COLEC12: variants seen among roughly 807,000 people sequenced by gnomAD.
COLEC12 encodes collectin subfamily member 12.
Under a neutral mutation model 71.1 loss-of-function variants are expected in COLEC12, and 33 were observed. That is an observed-to-expected ratio of 0.46 (90% confidence interval 0.35 to 0.62). COLEC12 has a LOEUF of 0.62. COLEC12 is among the 20% of genes least tolerant of loss of function. COLEC12 has a pLI of 0.00. For missense variants in COLEC12, 765 were observed against 916.1 expected (o/e 0.84, Z 2.13); for synonymous variants, 350 against 353.0 (o/e 0.99, Z 0.10).
chr18:461,600 C>T (rs1673099198), intron 2 of COLEC12, among the ~76,000 whole-genome samples: 1 of 152,188 alleles, frequency 6.6e-6, no homozygotes, highest in Admixed American at 6.5e-5. Context: ...GTTGCCCACA[C>T]TGGTCTTGAA....
chr18:427,742 C>T (rs1425619702), intron 2 of COLEC12, among the ~76,000 whole-genome samples: 1 of 152,168 alleles, frequency 6.6e-6, no homozygotes, highest in Non-Finnish European at 1.5e-5. Flanking sequence ...CTATTGACTA[C>T]ATTTATTTGG....
At chr18:401,122 A>T (rs1915676637) in intron 2 of COLEC12, among the ~76,000 whole-genome samples, 1 of 152,206 alleles carries the variant, frequency 6.6e-6, no homozygotes, top group Admixed American at 6.5e-5. Flanking sequence ...GGTGGAGTGG[A>T]AGGTAGACTT....
intron 2 of COLEC12, among the ~76,000 whole-genome samples, chr18:437,699 C>G (rs1032160549): frequency 6.6e-6 from 1 of 152,186 alleles, no homozygotes; most frequent in African/African-American, 2.4e-5. Flanking sequence ...TGATACTTCA[C>G]ATGACAATAT....
intron 2 of COLEC12, among the ~76,000 whole-genome samples, chr18:442,288 T>G (rs536463495): frequency 1.3e-5 from 2 of 152,290 alleles, no homozygotes; most frequent in East Asian, 3.9e-4. Context: ...TTGATTGTCA[T>G]GTCTATTTAG....
chr18:457,682 A>T (rs1158883502), intron 2 of COLEC12, among the ~76,000 whole-genome samples: 1 of 152,220 alleles, frequency 6.6e-6, no homozygotes, highest in Non-Finnish European at 1.5e-5. Flanking sequence ...GAAGCTCACT[A>T]GACTCTTCCA....
chr18:433,581 T>A (rs1007538188), intron 2 of COLEC12, among the ~76,000 whole-genome samples: 1 of 152,076 alleles, frequency 6.6e-6, no homozygotes, highest in South Asian at 2.1e-4. Context: ...CAAAAGCCAA[T>A]CAGCTCCAGG....
chr18:388,184 AT>A (rs1450227360), intron 2 of COLEC12, among the ~76,000 whole-genome samples: 3 of 152,182 alleles, frequency 2.0e-5, no homozygotes, highest in African/African-American at 7.2e-5. Context: ...CATCTACATA[AT>A]TGGTTCTTGA....
At chr18:436,829 G>T (rs938756279) in intron 2 of COLEC12, among the ~76,000 whole-genome samples, 1 of 152,028 alleles carries the variant, frequency 6.6e-6, no homozygotes, top group African/African-American at 2.4e-5. Context: ...CAAGGTCCAG[G>T]TTTTACATTT....
intron 6 of COLEC12, 144 bp from the exon 7 acceptor site, chr18:333,287 C>A (rs553068043): frequency 1.6e-5 from 10 of 629,348 alleles, no homozygotes; most frequent in Non-Finnish European, 2.7e-5. Flanking sequence ...CTGACGTTCA[C>A]GGACGTGCTC....
chr18:388,533 G>C (rs984987340), intron 2 of COLEC12, among the ~76,000 whole-genome samples: 2 of 152,120 alleles, frequency 1.3e-5, no homozygotes, highest in African/African-American at 4.8e-5. Flanking sequence ...TTCTGTATGC[G>C]CATGGGTCTC....
chr18:431,896 T>C (rs957308178), intron 2 of COLEC12, among the ~76,000 whole-genome samples: 2 of 152,218 alleles, frequency 1.3e-5, no homozygotes, highest in African/African-American at 4.8e-5. Flanking sequence ...ATTTTATATA[T>C]GTATATCTCC....
chr18:488,060 A>G (rs142139343), intron 1 of COLEC12, among the ~76,000 whole-genome samples: 2 of 152,342 alleles, frequency 1.3e-5, no homozygotes, highest in African/African-American at 4.8e-5. Context: ...TAATACACTT[A>G]CAGAGATAAG....
At chr18:355,545 T>A (rs2143497290) in intron 3 of COLEC12, among the ~76,000 whole-genome samples, 1 of 152,348 alleles carries the variant, frequency 6.6e-6, no homozygotes, top group African/African-American at 2.4e-5. Flanking sequence ...TCTTTTTGTA[T>A]AATTCTGAAT....
intron 1 of COLEC12, among the ~76,000 whole-genome samples, chr18:492,524 T>C (rs762157119): frequency 3.3e-5 from 5 of 152,170 alleles, no homozygotes; most frequent in Non-Finnish European, 5.9e-5. Context: ...GGTGATGCAC[T>C]TCCCTTTCTT....
chr18:339,681 C>A (rs1377189119), intron 5 of COLEC12, among the ~76,000 whole-genome samples: 1 of 152,174 alleles, frequency 6.6e-6, no homozygotes, highest in Non-Finnish European at 1.5e-5. Flanking sequence ...CCCCAGCCTT[C>A]CAAAAACCAC....
intron 2 of COLEC12, among the ~76,000 whole-genome samples, chr18:448,926 G>A (rs996397626): frequency 6.6e-6 from 1 of 151,958 alleles, no homozygotes; most frequent in Non-Finnish European, 1.5e-5. Context: ...TGTACATTTG[G>A]TATACTCACA....
intron 4 of COLEC12, among the ~76,000 whole-genome samples, 178 bp from the exon 5 acceptor site, chr18:347,519 A>C (rs1286002282): frequency 6.6e-6 from 1 of 152,194 alleles, no homozygotes; most frequent in African/African-American, 2.4e-5. Context: ...GGTCCTGGGG[A>C]ATCGGAAAAG....
intron 2 of COLEC12, among the ~76,000 whole-genome samples, chr18:447,679 C>T (rs1916679547): frequency 6.6e-6 from 1 of 152,176 alleles, no homozygotes; most frequent in South Asian, 2.1e-4. Context: ...TTCACCTCTC[C>T]ACATATACTT....
chr18:342,591 C>T (rs1914281089), intron 5 of COLEC12, among the ~76,000 whole-genome samples: 3 of 152,218 alleles, frequency 2.0e-5, no homozygotes, highest in Non-Finnish European at 2.9e-5. Context: ...ATGAGATCTG[C>T]ATGTACAGAA....
Sources: gnomAD v4.1 joint callset for allele counts (sites outside exome capture counted in the v4.1 genomes callset) on GRCh38, gnomAD v4.1.1 for gene constraint, MANE v1.5 for transcripts, NCBI Gene and HGNC (gene_info 2026-07-23, HGNC 2026-07-21) for gene names.